Variants in STX18 observed in about 807,000 individuals in gnomAD.
STX18 encodes the protein syntaxin 18.
Under a neutral mutation model 50.1 loss-of-function variants are expected in STX18, and 40 were observed. The observed-to-expected ratio is 0.80, with a 90% CI of 0.62 to 1.04. STX18 has a LOEUF of 1.04. Ranked by LOEUF, STX18 falls within the 50% of genes least tolerant of loss-of-function variation. STX18 has a pLI of 0.00. For missense variants in STX18, 410 were observed against 415.8 expected, an observed-to-expected ratio of 0.99 and a Z score of 0.12; for synonymous variants, 158 against 151.8, an observed-to-expected ratio of 1.04 and a Z score of -0.30.
At chr4:4,508,662 G>A (rs1729851859) in intron 1 of STX18, among the ~76,000 whole-genome samples, 1 of 152,132 alleles carries the variant, frequency 6.6e-6, no homozygotes, top group Admixed American at 6.5e-5. Context: ...TCACCTAGGT[G>A]TTAAGCCCAG....
intron 1 of STX18, among the ~76,000 whole-genome samples, chr4:4,495,975 T>C (rs1729149891): frequency 6.6e-6 from 1 of 152,212 alleles, no homozygotes; most frequent in East Asian, 1.9e-4. Context: ...GATTATCGGA[T>C]AACGCAATTT....
At chr4:4,477,745 T>A (rs1324397817) in intron 1 of STX18, 1 of 152,228 alleles carries the variant, frequency 6.6e-6, no homozygotes, top group Non-Finnish European at 1.5e-5. Context: ...GTGCTATATT[T>A]GCAAGGAAGC....
chr4:4,527,434 T>C (rs1730821880), intron 1 of STX18, among the ~76,000 whole-genome samples: 1 of 152,218 alleles, frequency 6.6e-6, no homozygotes. Context: ...CTTTTGGAGT[T>C]GAAGTATTTA....
intron 1 of STX18, among the ~76,000 whole-genome samples, chr4:4,495,712 T>C (rs1729140131): frequency 6.7e-6 from 1 of 148,790 alleles, no homozygotes; most frequent in Admixed American, 6.6e-5. Flanking sequence ...GATAATCTTG[T>C]ATTAGTCCAC....
chr4:4,511,713 AGTGTGTGTGTGTGTGTGTGTGTGT>A (rs3038434), intron 1 of STX18, among the ~76,000 whole-genome samples: 4 of 137,420 alleles, frequency 2.9e-5, no homozygotes, highest in Non-Finnish European at 4.7e-5. Flanking sequence ...ACTCATGATT[AGTGTGTGTGTGTGTGTGTGTGTGT>A]GTGTGTGTGT....
chr4:4,488,561 G>C (rs1467068548), intron 1 of STX18, among the ~76,000 whole-genome samples: 1 of 152,284 alleles, frequency 6.6e-6, no homozygotes, highest in African/African-American at 2.4e-5. Context: ...AGCCCATCAA[G>C]TATGGGTCCC....
intron 1 of STX18, among the ~76,000 whole-genome samples, chr4:4,482,267 T>G (rs932351086): frequency 2.0e-5 from 3 of 152,222 alleles, no homozygotes; most frequent in African/African-American, 7.2e-5. Flanking sequence ...TCTACATGAA[T>G]TGTCCACCCA....
At chr4:4,488,307 A>T (rs1456122009) in intron 1 of STX18, among the ~76,000 whole-genome samples, 6 of 149,782 alleles carry the variant, frequency 4.0e-5, no homozygotes, top group African/African-American at 9.8e-5. Flanking sequence ...ACTGACATTT[A>T]AAAAAAAAAG....
At chr4:4,524,148 CAGTA>C (rs758160009) in intron 1 of STX18, among the ~76,000 whole-genome samples, 37 of 152,198 alleles carry the variant, frequency 2.4e-4, no homozygotes, top group Admixed American at 6.5e-5. Flanking sequence ...TGGTGCTTAA[CAGTA>C]AGTGACTATG....
chr4:4,517,105 G>A (rs973906377), intron 1 of STX18, among the ~76,000 whole-genome samples: 2 of 152,272 alleles, frequency 1.3e-5, no homozygotes, highest in South Asian at 2.1e-4. Context: ...GGGAGCTCCC[G>A]ACTGTATCAA....
Position 4,420,695 on chromosome 4 carries a change from G to A in STX18, c.912+169C>T, listed in dbSNP as rs1724895072. ...GAAAGCAGCTGGAGGTGGGCGACAG[G>A]TGGTGGGTCTCATGAACACACGCAG... On this transcript the variant is annotated intron_variant, in intron 10 of 10. Coordinates refer to ENST00000306200, the MANE Select transcript of STX18 (RefSeq NM_016930.4). This position sits in a 1 kb window ranked among gnomAD's most constrained non-coding sequence, Gnocchi z 4.3. 1.6e-6 allele frequency: 1 copy of A among 625,914 alleles called. No homozygotes were observed. The highest frequency in any genetic ancestry group is 2.8e-6 in the Non-Finnish European group (1 of 355,546). 38.8% of individuals were successfully genotyped at this position (625,914 alleles called of 1,614,324 possible).
At chr4:4,524,269 T>C (rs997214951) in intron 1 of STX18, among the ~76,000 whole-genome samples, 5 of 152,214 alleles carry the variant, frequency 3.3e-5, no homozygotes, top group African/African-American at 1.2e-4. Flanking sequence ...AATGTACATC[T>C]CTTGTTGGCC....
chr4:4,459,868 G>A (rs1437285486), intron 2 of STX18, among the ~76,000 whole-genome samples: 1 of 152,200 alleles, frequency 6.6e-6, no homozygotes, highest in Non-Finnish European at 1.5e-5. Flanking sequence ...TCAGAGGGTG[G>A]AGGGTGTTCC....
chr4:4,425,506 C>A (rs1438388746), intron 7 of STX18: 4 of 542,346 alleles, frequency 7.4e-6, no homozygotes, highest in Non-Finnish European at 1.3e-5. Context: ...GCTGTATCTA[C>A]CTACCCGCTC....
intron 8 of STX18, among the ~76,000 whole-genome samples, chr4:4,424,214 G>A (rs1408323612): frequency 2.6e-5 from 4 of 152,034 alleles, no homozygotes; most frequent in Non-Finnish European, 4.4e-5. Context: ...ACCCTGGGGG[G>A]CGGGTGGGGG....
intron 1 of STX18, among the ~76,000 whole-genome samples, chr4:4,482,313 T>C (rs73086289): frequency 1.9e-3 from 286 of 152,290 alleles, no homozygotes; most frequent in African/African-American, 6.7e-3. Flanking sequence ...GCTGAGTGTA[T>C]CCAAATGCTT....
intron 5 of STX18, among the ~76,000 whole-genome samples, chr4:4,450,955 A>C (rs1560170109): frequency 6.6e-6 from 1 of 152,246 alleles, no homozygotes; most frequent in Non-Finnish European, 1.5e-5. Flanking sequence ...ACAGTGCAGC[A>C]GACTTAGACA....
Position 4,419,262 on chromosome 4 carries a change from C to T in STX18, c.*772G>A, listed in dbSNP as rs927074690. ...AGGCCCGTTCTTCCGTGGCCCACTT[C>T]TTCCTTTGAACAAAGGCTCCTTGGA... On this transcript the variant is annotated 3_prime_UTR_variant, in exon 11 of 11. Coordinates refer to ENST00000306200, the MANE Select transcript of STX18 (RefSeq NM_016930.4). 6.6e-6 allele frequency: 1 copy of T among 152,238 alleles called. No individual in the cohort carries two copies. Among genetic ancestry groups the T allele is most frequent in the Admixed American group, 6.5e-5 (1 of 15,282 alleles). The allele number at this position is 152,238 out of a possible 1,614,324, so 9.4% of individuals were successfully genotyped here.
chr4:4,471,748 T>G (rs373854752), intron 1 of STX18, 42 bp from the exon 2 acceptor site: 4 of 1,322,346 alleles, frequency 3.0e-6, no homozygotes, highest in Middle Eastern at 1.9e-4. Flanking sequence ...ATAGATATGT[T>G]ACACTCATGT....
Sources: allele counts gnomAD v4.1 joint callset (sites outside exome capture counted in the v4.1 genomes callset), GRCh38; gene constraint gnomAD v4.1.1; non-coding constraint Gnocchi (gnomAD v3.1); transcripts MANE v1.5; gene names NCBI Gene and HGNC (gene_info 2026-07-23, HGNC 2026-07-21).